The following SMAD2 variants were observed in gnomAD, a reference collection of about 807,000 sequenced individuals.
The protein encoded by SMAD2 is SMAD family member 2.
SMAD2 carries 8 observed loss-of-function variants against 64.4 expected under a neutral mutation model. That is an observed-to-expected ratio of 0.12 (90% CI 0.07 to 0.22). The LOEUF (loss-of-function observed/expected upper bound fraction) is 0.22, where lower values mean the gene tolerates loss of function less well. Among genes scored for constraint, SMAD2 ranks in the 10% least tolerant of loss-of-function variants. SMAD2 has a pLI of 1.00. For synonymous variants in SMAD2, 203 were observed against 195.8 expected (o/e 1.04, Z -0.31); for missense variants, 289 against 561.2 (o/e 0.51, Z 4.90).
Position 47,815,912 on chromosome 18 carries a change from T to C in SMAD2, c.*25915A>G, listed in dbSNP as rs1912350485. The stretch of plus-strand genomic sequence containing the variant: ...GAATAATTGACCTATGTATGAGTTC[T>C]AGAGAAGCCTTGCAGACTTACCCAG... On this transcript the variant is annotated 3_prime_UTR_variant, in exon 11 of 11. Coordinates refer to ENST00000262160, the MANE Select transcript of SMAD2 (RefSeq NM_005901.6). 1 of 152,232 alleles carries C rather than the reference T, an allele frequency of 6.6e-6. No individual in the cohort carries two copies. Among genetic ancestry groups the C allele is most frequent in the Non-Finnish European group, 1.5e-5 (1 of 68,048 alleles). The allele number at this position is 152,232 out of a possible 1,614,324, so 9.4% of individuals were successfully genotyped here.
In SMAD2 at chr18:47,836,038, A is replaced by T. The variant is rs1913384320; in HGVS notation, c.*5789T>A. On this transcript the variant is annotated 3_prime_UTR_variant, in exon 11 of 11. Coordinates refer to ENST00000262160, the MANE Select transcript of SMAD2 (RefSeq NM_005901.6). ...TGGTGAAGTTCTGGATTCATTATGGATCTCATGGCACCAAACCAACTGGCA... is the reference window on the plus strand; with the variant it reads ...TGGTGAAGTTCTGGATTCATTATGGTTCTCATGGCACCAAACCAACTGGCA... 1 of 214,036 alleles carries T rather than the reference A, an allele frequency of 4.7e-6. No homozygotes were observed. Among genetic ancestry groups the T allele is most frequent in the Non-Finnish European group, 9.4e-6 (1 of 105,960 alleles). 13.3% of individuals were successfully genotyped at this position (214,036 alleles called of 1,614,324 possible). A position where few individuals can be genotyped will look rare whatever the true frequency, so the allele number is the denominator to read the frequency against.
At position 47,833,264 on chromosome 18, in the gene SMAD2, T is replaced by G. The variant is rs764254235; in HGVS notation, c.*8563A>C. The G allele has an allele frequency of 4.7e-6, 1 of 214,790 alleles. No homozygotes were observed. Among genetic ancestry groups the G allele is most frequent in the Non-Finnish European group, 9.4e-6 (1 of 106,174 alleles). The allele number at this position is 214,790 out of a possible 1,614,324, so 13.3% of individuals were successfully genotyped here. ...AAAATTGACCAGAAATCACAGGACA[T>G]GTAAGCAATGTTTTCTTAAGCAGAA... On this transcript the variant is annotated 3_prime_UTR_variant, in exon 11 of 11. Coordinates refer to ENST00000262160, the MANE Select transcript of SMAD2 (RefSeq NM_005901.6).
chr18:47,863,817 A>G (rs1474386159), intron 6 of SMAD2, among the ~76,000 whole-genome samples: 4 of 152,232 alleles, frequency 2.6e-5, no homozygotes, highest in Non-Finnish European at 4.4e-5. Context: ...GCTGGCCACA[A>G]TATGTTAACT....
At position 47,833,649 on chromosome 18, in the gene SMAD2, A is replaced by T. The variant is rs924476724; in HGVS notation, c.*8178T>A. 3.0e-5 allele frequency: 7 copies of T among 230,728 alleles called. No individual in the cohort carries two copies. Among genetic ancestry groups the T allele is most frequent in the African/African-American group, 1.5e-4 (7 of 45,164 alleles). 14.3% of individuals were successfully genotyped at this position (230,728 alleles called of 1,614,324 possible). On this transcript the variant is annotated 3_prime_UTR_variant, in exon 11 of 11. Transcript: ENST00000262160. ...AAGCACCTTATGAGTATGAGGCTAC[A>T]ATTGAGAGAAACTGCTCAGTCTGCA...
At chr18:47,866,605 GATCTA>G (rs2031579050) in intron 5 of SMAD2, among the ~76,000 whole-genome samples, 1 of 151,984 alleles carries the variant, frequency 6.6e-6, no homozygotes, top group African/African-American at 2.4e-5. Flanking sequence ...GTATTTCAAA[GATCTA>G]ATCAGAAAGA....
chr18:47,851,928 T>G (rs1411290240), intron 6 of SMAD2, among the ~76,000 whole-genome samples: 1 of 152,304 alleles, frequency 6.6e-6, no homozygotes, highest in South Asian at 2.1e-4. Flanking sequence ...GAAAGGTTTG[T>G]GTATTTGCAA....
intron 2 of SMAD2, among the ~76,000 whole-genome samples, chr18:47,884,986 A>T (rs2032805842): frequency 6.6e-6 from 1 of 152,224 alleles, no homozygotes; most frequent in South Asian, 2.1e-4. Flanking sequence ...GAAAAGATTT[A>T]AATATCAATT....
rs2144474857 is a variant in SMAD2, at chr18:47,896,661, C to T, written c.96G>A (p.Glu32=). Residue 32 remains glutamate, a synonymous_variant, in exon 2 of 11, where the codon GAG becomes GAA. Transcript: ENST00000262160. ...AGGSGGAGGG[E]QNGQEEKWCE... is the part of the protein sequence containing the mutation. Reference sequence around the variant, plus strand: ...ACCACTTTTCTTCCTGCCCATTCTGCTCTCCTCCGCCTGCTCCTCCAGACC... The same window carrying T: ...ACCACTTTTCTTCCTGCCCATTCTGTTCTCCTCCGCCTGCTCCTCCAGACC... 1.2e-6 allele frequency: 2 copies of T among 1,614,136 alleles called. No homozygotes were observed. Among genetic ancestry groups the T allele is most frequent in the South Asian group, 1.1e-5 (1 of 91,084 alleles).
At chr18:47,904,170 C>T (rs2033811480) in intron 1 of SMAD2, among the ~76,000 whole-genome samples, 1 of 150,754 alleles carries the variant, frequency 6.6e-6, no homozygotes, top group South Asian at 2.1e-4. Flanking sequence ...AGCTCTTTTC[C>T]AAGGGCCTCA....
intron 6 of SMAD2, among the ~76,000 whole-genome samples, chr18:47,860,243 C>T (rs1037954317): frequency 6.6e-6 from 1 of 152,108 alleles, no homozygotes; most frequent in African/African-American, 2.4e-5. Context: ...ATTTAAAAAA[C>T]CTTTTCCTAC....
At chr18:47,886,598 TATC>T (rs1228915268) in intron 2 of SMAD2, among the ~76,000 whole-genome samples, 41 of 152,010 alleles carry the variant, frequency 2.7e-4, no homozygotes, top group African/African-American at 9.6e-4. Context: ...TCTATCTATC[TATC>T]TATCTATCTA....
chr18:47,921,589 G>A (rs964596568), intron 1 of SMAD2, among the ~76,000 whole-genome samples: 1 of 152,156 alleles, frequency 6.6e-6, no homozygotes, highest in African/African-American at 2.4e-5. Flanking sequence ...AGAGGTCTGA[G>A]GCTTCTTTCT....
At chr18:47,911,245 T>G (rs1254518289) in intron 1 of SMAD2, among the ~76,000 whole-genome samples, 2 of 150,906 alleles carry the variant, frequency 1.3e-5, no homozygotes, top group Non-Finnish European at 2.9e-5. Context: ...CAACTACTCG[T>G]GAGGCTGAGG....
At chr18:47,899,225 C>CG (rs1568097382) in intron 1 of SMAD2, among the ~76,000 whole-genome samples, 2 of 152,012 alleles carry the variant, frequency 1.3e-5, no homozygotes, top group African/African-American at 2.4e-5. Context: ...ATTTGGGGAA[C>CG]ATAAGTGTTG....
chr18:47,883,774 T>C (rs2032743123), intron 2 of SMAD2, among the ~76,000 whole-genome samples: 1 of 152,216 alleles, frequency 6.6e-6, no homozygotes. Flanking sequence ...TGCTTTAAGA[T>C]TCCCTCTTTC....
intron 8 of SMAD2, among the ~76,000 whole-genome samples, 192 bp from the exon 9 acceptor site, chr18:47,845,992 T>C (rs1028854543): frequency 2.6e-5 from 4 of 152,126 alleles, no homozygotes; most frequent in Non-Finnish European, 4.4e-5. Flanking sequence ...TAACAATAAT[T>C]TTATTGATTT....
chr18:47,866,569 G>A (rs560753289), intron 5 of SMAD2, among the ~76,000 whole-genome samples: 2 of 152,106 alleles, frequency 1.3e-5, no homozygotes, highest in Non-Finnish European at 1.5e-5. Flanking sequence ...AAAGTTAAAC[G>A]GCGCTAAGCT....
chr18:47,841,770 G>A lies in SMAD2; in HGVS notation c.*57C>T, dbSNP rs904624703. 23 of 1,605,032 alleles carry A rather than the reference G, an allele frequency of 1.4e-5. No homozygotes were observed. The highest frequency in any genetic ancestry group is 1.1e-4 in the African/African-American group (8 of 74,788). Reference sequence around the variant, plus strand: ...ACAGTCCATAGGGACCACACACAATGCTATGACAGAAGAGTTGTTACATTA... The same window carrying A: ...ACAGTCCATAGGGACCACACACAATACTATGACAGAAGAGTTGTTACATTA... On this transcript the variant is annotated 3_prime_UTR_variant, in exon 11 of 11. Transcript: ENST00000262160.
intron 1 of SMAD2, among the ~76,000 whole-genome samples, chr18:47,916,237 G>T (rs1396918725): frequency 6.6e-6 from 1 of 152,034 alleles, no homozygotes; most frequent in Non-Finnish European, 1.5e-5. Flanking sequence ...ATCTGGTTGG[G>T]GTATCAAGAT....
Sources: gnomAD v4.1 joint callset for allele counts (sites outside exome capture counted in the v4.1 genomes callset) on GRCh38, gnomAD v4.1.1 for gene constraint, MANE v1.5 for transcripts, NCBI Gene and HGNC (gene_info 2026-07-23, HGNC 2026-07-21) for gene names.